PHACTR2: variants seen among roughly 807,000 people sequenced by gnomAD.
The protein encoded by PHACTR2 is chromosome 6 open reading frame 56.
In PHACTR2, 30 loss-of-function variants were observed where a neutral mutation model predicts 76.0. The ratio of observed to expected loss-of-function variants is 0.39; its 90% CI spans 0.30 to 0.54. The LOEUF (loss-of-function observed/expected upper bound fraction) is 0.54, where lower values mean the gene tolerates loss of function less well. Among genes scored for constraint, PHACTR2 ranks in the 20% least tolerant of loss-of-function variants. The pLI, the probability that PHACTR2 is intolerant of heterozygous loss-of-function variation, is 0.61. For synonymous variants in PHACTR2, 292 were observed against 292.5 expected (o/e 1.00, Z 0.02); for missense variants, 696 against 781.1 (o/e 0.89, Z 1.30).
chr6:143,827,152 G>GAAAAA lies in PHACTR2; in HGVS notation c.*3467_*3468insAAAAA, dbSNP rs1273151738. The GAAAAA allele has an allele frequency of 1.8e-4, 7 of 39,894 alleles. No homozygotes were observed. Among genetic ancestry groups the GAAAAA allele is most frequent in the African/African-American group, 6.3e-4 (7 of 11,088 alleles). The allele number at this position is 39,894 out of a possible 1,614,324, so 2.5% of individuals were successfully genotyped here. ...TCAGGGCTGCGTTGGCATTAAAAAA[G>GAAAAA]AAAATATATATATATATATATATAT... On this transcript the variant is annotated 3_prime_UTR_variant, in exon 13 of 13. Coordinates refer to ENST00000440869, the MANE Select transcript of PHACTR2 (RefSeq NM_001100164.2).
upstream of PHACTR2, among the ~76,000 whole-genome samples, chr6:143,607,073 C>T (rs749640808): frequency 7.2e-5 from 11 of 152,074 alleles, no homozygotes; most frequent in East Asian, 1.2e-3. Flanking sequence ...AATTTGTGAC[C>T]GGTGTGTCAC....
intron 1 of PHACTR2, among the ~76,000 whole-genome samples, chr6:143,565,770 C>T (rs1472889411): frequency 6.6e-6 from 1 of 151,956 alleles, no homozygotes; most frequent in Non-Finnish European, 1.5e-5. Flanking sequence ...GGTAGGAGGG[C>T]CCCAGAATGG....
At position 143,617,363 on chromosome 6, in the gene PHACTR2, AGAT is replaced by A. The variant is rs1235206214; in HGVS notation, c.13+9043_13+9045del. Among the ~76,000 whole-genome samples the A allele has an allele frequency of 1.3e-5, 2 of 152,240 alleles. No homozygotes were observed. Among genetic ancestry groups the A allele is most frequent in the African/African-American group, 4.8e-5 (2 of 41,468 alleles). ...AACCAGATTTAAAAGTCTTGAGGGC[AGAT>A]GCCACATCATAGACATCTTTTATGT... On this transcript the variant is annotated intron_variant, in intron 1 of 11. Coordinates refer to the PHACTR2 transcript ENST00000305766. The surrounding 1 kb of genome is among the most constrained non-coding windows in gnomAD (Gnocchi z 4.8).
At chr6:143,790,417 C>A (rs1296751686) in intron 11 of PHACTR2, among the ~76,000 whole-genome samples, 1 of 152,030 alleles carries the variant, frequency 6.6e-6, no homozygotes, top group Non-Finnish European at 1.5e-5. Flanking sequence ...GTGAAAGAGG[C>A]AAGGAGCAGA....
rs4438973 is a variant in PHACTR2 at position 143,598,785 on chromosome 6, C to T, written c.217+61578C>T. Among the ~76,000 whole-genome samples, 1 of 152,090 alleles carries T rather than the reference C, an allele frequency of 6.6e-6. No individual in the cohort carries two copies. The highest frequency in any genetic ancestry group is 1.5e-5 in the Non-Finnish European group (1 of 68,018). On this transcript the variant is annotated intron_variant, in intron 1 of 11. Coordinates refer to the PHACTR2 transcript ENST00000367584. This position sits in a 1 kb window ranked among gnomAD's most constrained non-coding sequence, Gnocchi z 4.1. ...TTTTTTTATGGCTCCCAGGAACTTT[C>T]TATGACCCCCTTAGAGGAATCACTA...
intron 11 of PHACTR2, among the ~76,000 whole-genome samples, chr6:143,802,905 T>C (rs545621575): frequency 2.0e-5 from 3 of 152,340 alleles, no homozygotes; most frequent in Non-Finnish European, 4.4e-5. Context: ...TTTAATTGCC[T>C]GTAGTCACAT....
intron 1 of PHACTR2, among the ~76,000 whole-genome samples, chr6:143,645,734 G>A (rs1032192345): frequency 3.9e-5 from 6 of 152,136 alleles, no homozygotes; most frequent in Non-Finnish European, 5.9e-5. Context: ...TAAATAAATT[G>A]TTTAGTAAGT....
chr6:143,753,021 G>A lies in PHACTR2; in HGVS notation c.296-733G>A, dbSNP rs990880701. ...ATCTCTCAACATTGTATCCATTATGGTTTTTTAAAATTCCTTTGTGATTAC... is the reference window on the plus strand; with the variant it reads ...ATCTCTCAACATTGTATCCATTATGATTTTTTAAAATTCCTTTGTGATTAC... On this transcript the variant is annotated intron_variant, in intron 3 of 12. Coordinates refer to ENST00000440869, the MANE Select transcript of PHACTR2 (RefSeq NM_001100164.2). The surrounding 1 kb of genome is among the most constrained non-coding windows in gnomAD (Gnocchi z 4.6). Among the ~76,000 whole-genome samples, 1 of 150,896 alleles carries A rather than the reference G, an allele frequency of 6.6e-6. No homozygotes were observed. The highest frequency in any genetic ancestry group is 1.5e-5 in the Non-Finnish European group (1 of 67,734).
rs949722611 is a variant in PHACTR2 at position 143,791,149 on chromosome 6, C to G, written c.1845+2239C>G. On this transcript the variant is annotated intron_variant, in intron 11 of 12. Coordinates refer to ENST00000440869, the MANE Select transcript of PHACTR2 (RefSeq NM_001100164.2). This position sits in a 1 kb window ranked among gnomAD's most constrained non-coding sequence, Gnocchi z 4.7. ...TTTTCACATTTAACTTTTTTGTTTA[C>G]CTGGAGTTGTTTTTTGGGGGAAGGT... 6.6e-6 allele frequency among the ~76,000 whole-genome samples: 1 copy of G among 151,952 alleles called. No individual in the cohort carries two copies. The highest frequency in any genetic ancestry group is 2.4e-5 in the African/African-American group (1 of 41,340).
Position 143,730,095 on chromosome 6 carries a change from G to A in PHACTR2, c.214+17912G>A, listed in dbSNP as rs535940633. Among the ~76,000 whole-genome samples the A allele has an allele frequency of 2.6e-5, 4 of 152,088 alleles. No homozygotes were observed. The highest frequency in any genetic ancestry group is 5.9e-5 in the Non-Finnish European group (4 of 68,014). ...TTTATAAGTCTGAAAATTAGGTAGT[G>A]TGATTTTCCAACCTTATTCTTCATT... On this transcript the variant is annotated intron_variant, in intron 2 of 12. Coordinates refer to ENST00000440869, the MANE Select transcript of PHACTR2 (RefSeq NM_001100164.2). This position sits in a 1 kb window ranked among gnomAD's most constrained non-coding sequence, Gnocchi z 4.8.
In PHACTR2 at chr6:143,751,212, C is replaced by G. The variant is rs1188315653; in HGVS notation, c.295+2147C>G. ...AGTGAGCCAGATAGACTTTAAAAAT[C>G]CCTCTAGCTACCCTGAGTCTGACCC... is the stretch of plus-strand genomic sequence containing the variant. On this transcript the variant is annotated intron_variant, in intron 3 of 12. Coordinates refer to ENST00000440869, the MANE Select transcript of PHACTR2 (RefSeq NM_001100164.2). The surrounding 1 kb of genome is among the most constrained non-coding windows in gnomAD (Gnocchi z 5.7). 6.6e-6 allele frequency among the ~76,000 whole-genome samples: 1 copy of G among 152,184 alleles called. No homozygotes were observed. Among genetic ancestry groups the G allele is most frequent in the Non-Finnish European group, 1.5e-5 (1 of 68,024 alleles).
rs1245498123 is a variant in PHACTR2 at position 143,611,459 on chromosome 6, T to C, written c.13+3137T>C. Among the ~76,000 whole-genome samples, 1 of 152,236 alleles carries C rather than the reference T, an allele frequency of 6.6e-6. No individual in the cohort carries two copies. Among genetic ancestry groups the C allele is most frequent in the Non-Finnish European group, 1.5e-5 (1 of 68,042 alleles). ...GAGTGGAGTAGTCGAGAGCATCAGA[T>C]AATTTTAGCTGAACGTTGGCTCTGC... On this transcript the variant is annotated intron_variant, in intron 1 of 11. Transcript: ENST00000305766. The surrounding 1 kb of genome is among the most constrained non-coding windows in gnomAD (Gnocchi z 4.4).
rs1282411014 is a variant in PHACTR2, at chr6:143,722,845, G to C, written c.214+10662G>C. On this transcript the variant is annotated intron_variant, in intron 2 of 12. Transcript: ENST00000440869. This position sits in a 1 kb window ranked among gnomAD's most constrained non-coding sequence, Gnocchi z 4.1. The stretch of plus-strand genomic sequence containing the variant: ...TGTTTTAGCTCCCACATATGAGTGA[G>C]AACATGCAACATTTGTCTTTCTGTA... Among the ~76,000 whole-genome samples, 1 of 152,132 alleles carries C rather than the reference G, an allele frequency of 6.6e-6. No individual in the cohort carries two copies. The highest frequency in any genetic ancestry group is 2.4e-5 in the African/African-American group (1 of 41,416).
At chr6:143,788,560 A>T (rs1775604770) in intron 10 of PHACTR2, among the ~76,000 whole-genome samples, 1 of 152,124 alleles carries the variant, frequency 6.6e-6, no homozygotes, top group Non-Finnish European at 1.5e-5. Context: ...TGACCTATCT[A>T]AAACGATGAT....
rs1349061526 is a variant in PHACTR2 at position 143,764,939 on chromosome 6, C to A, written c.695-322C>A. ...ATAACATTCCTTCTTGAGAGCATAC[C>A]GGGCTTTTTTCAAGTGAACCATAGA... On this transcript the variant is annotated intron_variant, in intron 5 of 12. Coordinates refer to ENST00000440869, the MANE Select transcript of PHACTR2 (RefSeq NM_001100164.2). This position sits in a 1 kb window ranked among gnomAD's most constrained non-coding sequence, Gnocchi z 4.7. Among the ~76,000 whole-genome samples, 1 of 152,044 alleles carries A rather than the reference C, an allele frequency of 6.6e-6. No individual in the cohort carries two copies. Among genetic ancestry groups the A allele is most frequent in the African/African-American group, 2.4e-5 (1 of 41,384 alleles).
In PHACTR2 at chr6:143,663,338, TC is replaced by T. The variant is rs1436398292; in HGVS notation, c.14-48674del. Reference sequence around the variant, plus strand: ...CAACATGCTGAGTGAAGGCTTGCCCTCCCCGTGGATGAATGAAGTACTGAAT... The same window carrying T: ...CAACATGCTGAGTGAAGGCTTGCCCTCCCGTGGATGAATGAAGTACTGAAT... On this transcript the variant is annotated intron_variant, in intron 1 of 11. Transcript: ENST00000305766. This position sits in a 1 kb window ranked among gnomAD's most constrained non-coding sequence, Gnocchi z 4.1. Among the ~76,000 whole-genome samples the T allele has an allele frequency of 2.6e-5, 4 of 152,224 alleles. No homozygotes were observed. Among genetic ancestry groups the T allele is most frequent in the Admixed American group, 6.5e-5 (1 of 15,268 alleles).
In PHACTR2 at chr6:143,611,208, A is replaced by G. The variant is rs972004193; in HGVS notation, c.13+2886A>G. Among the ~76,000 whole-genome samples, 3 of 152,142 alleles carry G rather than the reference A, an allele frequency of 2.0e-5. No homozygotes were observed. The highest frequency in any genetic ancestry group is 4.4e-5 in the Non-Finnish European group (3 of 68,036). ...TTGTGTTGGGTTTTCCCTACTTGAT[A>G]TCAAGATATTTCAGTTACCATGTGT... On this transcript the variant is annotated intron_variant, in intron 1 of 11. Transcript: ENST00000305766. The surrounding 1 kb of genome is among the most constrained non-coding windows in gnomAD (Gnocchi z 4.4).
intron 1 of PHACTR2, among the ~76,000 whole-genome samples, chr6:143,609,580 T>A (rs1430086353): frequency 6.6e-6 from 1 of 152,144 alleles, no homozygotes; most frequent in Non-Finnish European, 1.5e-5. Flanking sequence ...GGTATGGTAT[T>A]CCATGACAAG....
intron 1 of PHACTR2, among the ~76,000 whole-genome samples, chr6:143,593,340 G>T (rs1197952086): frequency 6.6e-6 from 1 of 152,038 alleles, no homozygotes; most frequent in Non-Finnish European, 1.5e-5. Context: ...CACAGGGGGT[G>T]TCTAACTGGT....
Sources: gnomAD v4.1 joint callset for allele counts (sites outside exome capture counted in the v4.1 genomes callset) on GRCh38, gnomAD v4.1.1 for gene constraint, Gnocchi (gnomAD v3.1) non-coding constraint, MANE v1.5 for transcripts, NCBI Gene and HGNC (gene_info 2026-07-23, HGNC 2026-07-21) for gene names.